DNM3: variants seen among roughly 807,000 people sequenced by gnomAD.
DNM3 encodes the protein dynamin-3.
A neutral mutation model predicts 101.6 loss-of-function variants in DNM3; 47 were observed. The ratio of observed to expected loss-of-function variants is 0.46; its 90% CI spans 0.37 to 0.59. The LOEUF is 0.59. DNM3 is among the 20% of genes least tolerant of loss of function. DNM3 has a pLI of 0.00. For synonymous variants in DNM3, 385 were observed against 387.9 expected (o/e 0.99, Z 0.09); for missense variants, 849 against 1,085.7 (o/e 0.78, Z 3.06).
At chr1:172,172,267 C>G (rs1329445717) in intron 14 of DNM3, among the ~76,000 whole-genome samples, 3 of 151,488 alleles carry the variant, frequency 2.0e-5, no homozygotes, top group Non-Finnish European at 4.4e-5. Flanking sequence ...TACAGTAGTC[C>G]CCCCTAATTC....
intron 14 of DNM3, among the ~76,000 whole-genome samples, chr1:172,230,186 C>A (rs1049415021): frequency 6.6e-6 from 1 of 151,960 alleles, no homozygotes; most frequent in East Asian, 1.9e-4. Flanking sequence ...TGAGAATGAG[C>A]GAGATTTATT....
intron 10 of DNM3, among the ~76,000 whole-genome samples, chr1:172,064,622 A>G (rs1024126200): frequency 1.4e-4 from 21 of 152,054 alleles, no homozygotes; most frequent in African/African-American, 4.8e-4. Flanking sequence ...TAACCTCTGT[A>G]TGTATGTATC....
rs1324092195 is a variant in DNM3, at chr1:172,407,757, T to G, written c.2523-15T>G. 3 of 1,612,142 alleles carry G rather than the reference T, an allele frequency of 1.9e-6. No homozygotes were observed. Among genetic ancestry groups the G allele is most frequent in the Non-Finnish European group, 2.5e-6 (3 of 1,178,584 alleles). On this transcript the variant is annotated splice_polypyrimidine_tract_variant and intron_variant, in intron 20 of 20. Transcript: ENST00000627582. Reference sequence around the variant, plus strand: ...TTCTACTTGTTTCTTTACCTTTCTCTTTTTCTCTTTCTAGCCGGAGACCAC... The same window carrying G: ...TTCTACTTGTTTCTTTACCTTTCTCGTTTTCTCTTTCTAGCCGGAGACCAC...
At chr1:172,391,633 A>G (rs2069537667) in intron 20 of DNM3, among the ~76,000 whole-genome samples, 1 of 152,186 alleles carries the variant, frequency 6.6e-6, no homozygotes, top group Non-Finnish European at 1.5e-5. Context: ...CATTTTCTCT[A>G]TCAAAAACTT....
chr1:172,341,317 C>T (rs188027410), intron 17 of DNM3, among the ~76,000 whole-genome samples: 18 of 152,194 alleles, frequency 1.2e-4, no homozygotes, highest in Admixed American at 3.3e-4. Context: ...CTGCCTAAAG[C>T]AATTTGTAGA....
intron 7 of DNM3, 116 bp from the exon 8 acceptor site, chr1:172,041,893 A>G (rs2049418722): frequency 1.8e-6 from 2 of 1,099,246 alleles, no homozygotes; most frequent in African/African-American, 1.6e-5. Context: ...CTCTGCCAGT[A>G]GGTGCCACTA....
chr1:172,163,577 T>A (rs866230546), intron 14 of DNM3, among the ~76,000 whole-genome samples: 1 of 151,992 alleles, frequency 6.6e-6, no homozygotes, highest in African/African-American at 2.4e-5. Flanking sequence ...ACAGTAGGTT[T>A]CCGGAACTTA....
chr1:171,883,236 T>C (rs2036441941), intron 1 of DNM3, among the ~76,000 whole-genome samples: 2 of 151,954 alleles, frequency 1.3e-5, no homozygotes, highest in Non-Finnish European at 2.9e-5. Flanking sequence ...TGTGACTGCA[T>C]GCAGTGGCTC....
In DNM3 at chr1:171,894,029, G is replaced by A. The variant is rs139156321; in HGVS notation, c.162-27719G>A. On this transcript the variant is annotated intron_variant, in intron 1 of 20. Coordinates refer to ENST00000627582, the MANE Select transcript of DNM3 (RefSeq NM_015569.5). ...AGTAGAGATGGGATTTCACCATGTCGGCCAGGATGGTCTCCATCTCCTGAC... is the reference window on the plus strand; with the variant it reads ...AGTAGAGATGGGATTTCACCATGTCAGCCAGGATGGTCTCCATCTCCTGAC... Among the ~76,000 whole-genome samples the A allele has an allele frequency of 2.0e-3, 298 of 151,572 alleles. 1 individual carries two copies. Among genetic ancestry groups the A allele is most frequent in the African/African-American group, 3.5e-3 (144 of 41,304 alleles).
chr1:172,278,100 A>G (rs547338138), intron 15 of DNM3, among the ~76,000 whole-genome samples: 1 of 152,248 alleles, frequency 6.6e-6, no homozygotes, highest in African/African-American at 2.4e-5. Flanking sequence ...GGTTTGACCC[A>G]TAATTCTACT....
At position 172,167,754 on chromosome 1, in the gene DNM3, C is replaced by G. The variant is rs969111912; in HGVS notation, c.1659+36466C>G. Among the ~76,000 whole-genome samples, 24 of 152,062 alleles carry G rather than the reference C, an allele frequency of 1.6e-4. No individual in the cohort carries two copies. The East Asian group carries it at 2.1e-3, about 14-fold the overall frequency. On this transcript the variant is annotated intron_variant, in intron 14 of 20. Coordinates refer to ENST00000627582, the MANE Select transcript of DNM3 (RefSeq NM_015569.5). ...CCCTCACTTATTTACTTGGGACAAA[C>G]AGGTACATAATTTGCCTTCATAGAA...
intron 4 of DNM3, among the ~76,000 whole-genome samples, chr1:172,003,117 A>G (rs1395278931): frequency 6.6e-6 from 1 of 152,066 alleles, no homozygotes; most frequent in Non-Finnish European, 1.5e-5. Flanking sequence ...TAGTAACATG[A>G]ATCTTCATTT....
chr1:172,108,737 A>C (rs1254533784), intron 13 of DNM3, among the ~76,000 whole-genome samples: 2 of 152,196 alleles, frequency 1.3e-5, no homozygotes, highest in Non-Finnish European at 2.9e-5. Flanking sequence ...CCCTGGTTTT[A>C]TAATTGAACC....
chr1:172,409,594 G>T lies in DNM3; in HGVS notation c.*1753G>T. 3 of 985,212 alleles carry T rather than the reference G, an allele frequency of 3.0e-6. No homozygotes were observed. Among genetic ancestry groups the T allele is most frequent in the Non-Finnish European group, 3.6e-6 (3 of 829,802 alleles). 61.0% of individuals were successfully genotyped at this position (985,212 alleles called of 1,614,324 possible). On this transcript the variant is annotated 3_prime_UTR_variant, in exon 21 of 21. Transcript: ENST00000627582. ...ATCTCACCCCAAACCCCAAACTGGG[G>T]GAAAAAAAGTTAACTCTTTGTGAAT...
intron 14 of DNM3, among the ~76,000 whole-genome samples, chr1:172,135,823 T>C (rs1362662766): frequency 6.6e-6 from 1 of 152,046 alleles, no homozygotes; most frequent in Non-Finnish European, 1.5e-5. Context: ...TGGGAGACCC[T>C]GATTCAAGGA....
intron 10 of DNM3, among the ~76,000 whole-genome samples, chr1:172,051,301 A>G (rs763417852): frequency 6.6e-6 from 1 of 151,964 alleles, no homozygotes; most frequent in Non-Finnish European, 1.5e-5. Flanking sequence ...CCTTATATTC[A>G]CTGTCACCAC....
At chr1:171,860,057 G>A (rs957908593) in intron 1 of DNM3, among the ~76,000 whole-genome samples, 1 of 152,084 alleles carries the variant, frequency 6.6e-6, no homozygotes, top group Non-Finnish European at 1.5e-5. Flanking sequence ...GAGTGCTATG[G>A]TAAGTGACTG....
chr1:172,310,135 C>G (rs932323014), intron 16 of DNM3: 5 of 152,200 alleles, frequency 3.3e-5, no homozygotes, highest in Non-Finnish European at 7.3e-5. Context: ...ATATATACCA[C>G]TCTAAAGACT....
intron 2 of DNM3, among the ~76,000 whole-genome samples, chr1:171,935,458 C>T (rs1173656726): frequency 6.6e-6 from 1 of 152,070 alleles, no homozygotes; most frequent in Non-Finnish European, 1.5e-5. Context: ...AATTTGGTTT[C>T]AGAGAGGGAC....
Sources: allele counts gnomAD v4.1 joint callset (sites outside exome capture counted in the v4.1 genomes callset), GRCh38; gene constraint gnomAD v4.1.1; transcripts MANE v1.5; gene names NCBI Gene and HGNC (gene_info 2026-07-23, HGNC 2026-07-21).